The following PCDHA13 variants were observed in gnomAD, a reference collection of about 807,000 sequenced individuals.
PCDHA13 encodes protocadherin alpha 13.
Under a neutral mutation model 64.8 loss-of-function variants are expected in PCDHA13, and 54 were observed. The observed-to-expected ratio is 0.83, with a 90% CI of 0.67 to 1.04. The LOEUF (loss-of-function observed/expected upper bound fraction) is 1.04, where lower values mean the gene tolerates loss of function less well. Ranked by LOEUF, PCDHA13 falls within the 50% of genes least tolerant of loss-of-function variation. The pLI, the probability that PCDHA13 is intolerant of heterozygous loss-of-function variation, is 0.00. For synonymous variants in PCDHA13, 587 were observed against 564.4 expected (o/e 1.04, Z -0.57); for missense variants, 1,248 against 1,254.3 (o/e 0.99, Z 0.08).
chr5:140,998,908 G>A (rs1203319313), intron 3 of PCDHA13, among the ~76,000 whole-genome samples: 2 of 152,162 alleles, frequency 1.3e-5, no homozygotes, highest in East Asian at 1.9e-4. Context: ...CCTCCGGGAG[G>A]TAGCTATTAT....
At chr5:140,969,045 C>A (rs782611179) in intron 1 of PCDHA13, 1 of 1,614,090 alleles carries the variant, frequency 6.2e-7, no homozygotes, top group Admixed American at 1.7e-5. Context: ...TACAAACAAG[C>A]CAACAACAAT....
In PCDHA13 at chr5:141,009,679, C is replaced by T; in HGVS notation, c.2595C>T (p.Asn865=). 1.2e-6 allele frequency: 2 copies of T among 1,614,116 alleles called. No individual in the cohort carries two copies. The highest frequency in any genetic ancestry group is 8.5e-7 in the Non-Finnish European group (1 of 1,180,026). The part of the protein sequence containing the change: ...SPPVGAGVNS[N]SWTFKYGPGN... ...CAGTCGGTGCGGGTGTCAACAGCAA[C>T]AGCTGGACCTTTAAATACGGACCAG... The change falls in exon 4 of 4, where the codon AAC becomes AAT. Residue 865 remains asparagine (N), a synonymous_variant. Coordinates refer to ENST00000289272, the MANE Select transcript of PCDHA13 (RefSeq NM_018904.3).
At chr5:140,929,353 C>T in intron 1 of PCDHA13, 1 of 1,527,090 alleles carries the variant, frequency 6.5e-7, no homozygotes, top group Non-Finnish European at 8.8e-7. Context: ...AATTTGATTC[C>T]TTTGGCCCGG....
intron 1 of PCDHA13, among the ~76,000 whole-genome samples, chr5:140,910,535 T>G (rs2153515129): frequency 6.6e-6 from 1 of 152,274 alleles, no homozygotes; most frequent in African/African-American, 2.4e-5. Flanking sequence ...CCCTCACAAA[T>G]CTATTTTGCA....
intron 1 of PCDHA13, chr5:140,968,789 G>T (rs782339889): frequency 1.9e-6 from 3 of 1,614,180 alleles, no homozygotes; most frequent in South Asian, 1.1e-5. Flanking sequence ...AGCCTCTGTG[G>T]CCATTACAGT....
chr5:140,886,004 A>G lies in PCDHA13; in HGVS notation c.2394+1342A>G, dbSNP rs544401095. On this transcript the variant is annotated intron_variant, in intron 1 of 3. Transcript: ENST00000289272. Reference sequence around the variant, plus strand: ...TCGCATGTGGTTGAAAGAAATAGTAAAGGGAGATGCTATGTATTCTTCACT... The same window carrying G: ...TCGCATGTGGTTGAAAGAAATAGTAGAGGGAGATGCTATGTATTCTTCACT... Among the ~76,000 whole-genome samples, 7 of 152,268 alleles carry G rather than the reference A, an allele frequency of 4.6e-5. No homozygotes were observed. In the East Asian group the frequency reaches 1.3e-3, roughly 29 times the overall value.
At chr5:140,901,766 A>T (rs2068897184) in intron 1 of PCDHA13, among the ~76,000 whole-genome samples, 1 of 152,188 alleles carries the variant, frequency 6.6e-6, no homozygotes, top group Admixed American at 6.5e-5. Flanking sequence ...CAGGGATTGC[A>T]TTGAATTTGT....
intron 1 of PCDHA13, among the ~76,000 whole-genome samples, chr5:140,914,914 G>A (rs2076876381): frequency 7.0e-6 from 1 of 143,682 alleles, no homozygotes; most frequent in African/African-American, 2.6e-5. Context: ...GTTTCTCTGT[G>A]TCTTATTGTA....
intron 1 of PCDHA13, chr5:140,966,646 G>T (rs2096032297): frequency 4.4e-6 from 5 of 1,139,570 alleles, no homozygotes; most frequent in Non-Finnish European, 4.6e-6. Flanking sequence ...TTTCTAGAGC[G>T]TGAGCGGTGG....
At chr5:140,891,454 A>C (rs1562858065) in intron 1 of PCDHA13, among the ~76,000 whole-genome samples, 1 of 145,650 alleles carries the variant, frequency 6.9e-6, no homozygotes, top group East Asian at 2.1e-4. Context: ...AGGATTTTTG[A>C]ATTTGTGAAT....
At position 141,010,536 on chromosome 5, in the gene PCDHA13, T is replaced by A; in HGVS notation, c.*599T>A. On this transcript the variant is annotated 3_prime_UTR_variant, in exon 4 of 4. Transcript: ENST00000289272. ...AACTCAAGAGGTGGCAGCCACCCTC[T>A]AGGAGACAAAACTACCCCCACTGAC... 1 of 381,624 alleles carries A rather than the reference T, an allele frequency of 2.6e-6. No homozygotes were observed. The highest frequency in any genetic ancestry group is 4.6e-6 in the Non-Finnish European group (1 of 218,036). 23.6% of individuals were successfully genotyped at this position (381,624 alleles called of 1,614,324 possible).
At chr5:141,007,573 T>G (rs2153992759) in intron 3 of PCDHA13, among the ~76,000 whole-genome samples, 1 of 151,796 alleles carries the variant, frequency 6.6e-6, no homozygotes, top group African/African-American at 2.4e-5. Context: ...ATCTCAAATT[T>G]AAAAAATAAT....
intron 1 of PCDHA13, chr5:140,927,515 G>A (rs782499434): frequency 1.2e-6 from 2 of 1,614,100 alleles, no homozygotes; most frequent in South Asian, 1.1e-5. Flanking sequence ...GCTCGGGACG[G>A]CGGGCTACCT....
intron 1 of PCDHA13, among the ~76,000 whole-genome samples, chr5:140,893,161 G>A (rs2063850346): frequency 6.6e-6 from 1 of 152,160 alleles, no homozygotes; most frequent in African/African-American, 2.4e-5. Context: ...TGGATATTGA[G>A]GTTGATTCCA....
rs201652283 is a variant in PCDHA13, at chr5:141,009,916, G to A, written c.2832G>A (p.Thr944=). The A allele has an allele frequency of 4.3e-6, 7 of 1,611,506 alleles. No homozygotes were observed. The highest frequency in any genetic ancestry group is 2.2e-5 in the East Asian group (1 of 44,862). ...TQEKKEKGNS[T]TDNSDQ is the part of the protein sequence containing the mutation. The stretch of plus-strand genomic sequence containing the variant: ...AGAAAAAAGAGAAAGGGAACAGCAC[G>A]ACTGACAACAGTGACCAGTGAGGTC... Residue 944 remains threonine (T), a synonymous_variant, in exon 4 of 4, where the codon ACG becomes ACA. Coordinates refer to ENST00000289272, the MANE Select transcript of PCDHA13 (RefSeq NM_018904.3).
intron 1 of PCDHA13, among the ~76,000 whole-genome samples, chr5:140,975,653 A>T (rs2096676885): frequency 6.6e-6 from 1 of 152,230 alleles, no homozygotes; most frequent in South Asian, 2.1e-4. Context: ...TATTTCATTG[A>T]GTAGTTGTGT....
At chr5:140,907,166 A>C (rs2073212277) in intron 1 of PCDHA13, among the ~76,000 whole-genome samples, 2 of 152,174 alleles carry the variant, frequency 1.3e-5, no homozygotes, top group Non-Finnish European at 2.9e-5. Context: ...CATATATTGG[A>C]TGCTGATTCA....
chr5:140,978,787 C>G (rs1164015518), intron 1 of PCDHA13, 162 bp from the exon 2 acceptor site: 2 of 972,388 alleles, frequency 2.1e-6, no homozygotes, highest in Non-Finnish European at 2.4e-6. Context: ...TTCTAAAGTG[C>G]TATATATGTA....
At chr5:140,917,340 T>TGGGGG (rs2078149834) in intron 1 of PCDHA13, among the ~76,000 whole-genome samples, 2 of 133,058 alleles carry the variant, frequency 1.5e-5, no homozygotes, top group African/African-American at 2.7e-5. Flanking sequence ...AGGGGGGGGA[T>TGGGGG]GGTGTAGGCT....
Sources: allele counts gnomAD v4.1 joint callset (sites outside exome capture counted in the v4.1 genomes callset), GRCh38; gene constraint gnomAD v4.1.1; transcripts MANE v1.5; gene names NCBI Gene and HGNC (gene_info 2026-07-23, HGNC 2026-07-21).